CACTIN: variants seen among roughly 807,000 people sequenced by gnomAD.
CACTIN encodes the protein cactin, spliceosome C complex subunit.
In CACTIN, 20 loss-of-function variants were observed where a neutral mutation model predicts 84.9. That is an observed-to-expected ratio of 0.24 (90% confidence interval 0.17 to 0.34). CACTIN has a LOEUF of 0.34. Ranked by LOEUF, CACTIN falls within the 10% of genes least tolerant of loss-of-function variation. The pLI, the probability that CACTIN is intolerant of heterozygous loss-of-function variation, is 1.00. For synonymous variants in CACTIN, 549 were observed against 467.9 expected, an observed-to-expected ratio of 1.17 and a Z score of -2.24; for missense variants, 897 against 1,117.2, an observed-to-expected ratio of 0.80 and a Z score of 2.81.
At chr19:3,623,070 TACAAAAAAA>T (rs943534218) in intron 2 of CACTIN, among the ~76,000 whole-genome samples, 13 of 151,930 alleles carry the variant, frequency 8.6e-5, no homozygotes, top group Non-Finnish European at 1.9e-4. Context: ...ACTCCATCTT[TACAAAAAAA>T]TAAAAAATTA....
In CACTIN at chr19:3,626,743, G is replaced by C. The variant is rs1488044735; in HGVS notation, c.20C>G (p.Ser7Trp). ...CCGGCGACCCGCGGACCGCGAGCGC[G>C]AGCGTGTGTCCCGACCCATCGGCTG... The part of the protein sequence containing the change: MGRDTR[S>W]RSRSAGRRGR... The change falls in exon 1 of 10, where the codon TCG (serine) becomes TGG (tryptophan). Residue 7 changes from serine to tryptophan, a missense_variant. Transcript: ENST00000429344. The C allele has an allele frequency of 6.0e-6, 9 of 1,488,830 alleles. No individual in the cohort carries two copies. Among genetic ancestry groups the C allele is most frequent in the African/African-American group, 2.9e-5 (2 of 68,740 alleles). The allele number at this position is 1,488,830 out of a possible 1,614,324, so 92.2% of individuals were successfully genotyped here. A position where few individuals can be genotyped will look rare whatever the true frequency, so the allele number is the denominator to read the frequency against.
At chr19:3,619,634 G>A (rs1243257713) in intron 4 of CACTIN, among the ~76,000 whole-genome samples, 1 of 152,158 alleles carries the variant, frequency 6.6e-6, no homozygotes, top group South Asian at 2.1e-4. Flanking sequence ...CCTCCCCCAG[G>A]CAGACCACTC....
At chr19:3,612,669 G>C in intron 9 of CACTIN, 1 of 713,654 alleles carries the variant, frequency 1.4e-6, no homozygotes, top group South Asian at 1.5e-5. Context: ...TCCCCGCCGA[G>C]CGACAGGAGA....
chr19:3,619,756 C>G (rs1458288876), intron 4 of CACTIN, among the ~76,000 whole-genome samples: 5 of 152,132 alleles, frequency 3.3e-5, no homozygotes, highest in Admixed American at 6.5e-5. Flanking sequence ...CTGGGAGGAG[C>G]CTGATGTCAC....
At chr19:3,619,829 G>A (rs1374388451) in intron 4 of CACTIN, among the ~76,000 whole-genome samples, 2 of 152,140 alleles carry the variant, frequency 1.3e-5, no homozygotes, top group Non-Finnish European at 2.9e-5. Flanking sequence ...TAAACCAGGC[G>A]GATGGGGGTG....
At chr19:3,618,811 G>A (rs1182283210) in intron 6 of CACTIN, 64 bp downstream of exon 6, 2 of 1,302,048 alleles carry the variant, frequency 1.5e-6, no homozygotes, top group Admixed American at 4.2e-5. Flanking sequence ...CAAGTCTGAG[G>A]CTTCTGGGTG....
intron 9 of CACTIN, 57 bp downstream of exon 9, chr19:3,613,001 C>G (rs2033003960): frequency 6.7e-7 from 1 of 1,487,858 alleles, no homozygotes; most frequent in Non-Finnish European, 9.0e-7. Flanking sequence ...GCTGGAGAAG[C>G]CCCGCCCCCA....
chr19:3,613,705 G>A (rs1568291673), intron 7 of CACTIN, 119 bp from the exon 8 acceptor site: 8 of 1,396,800 alleles, frequency 5.7e-6, no homozygotes, highest in Non-Finnish European at 7.7e-6. Flanking sequence ...GAGCAGCCAC[G>A]GCTCTGGCTG....
intron 2 of CACTIN, chr19:3,621,151 T>G: frequency 4.9e-6 from 2 of 410,902 alleles, no homozygotes; most frequent in Non-Finnish European, 9.2e-6. Context: ...GCCTGCTGAC[T>G]CGCTTTACCC....
In CACTIN at chr19:3,623,947, C is replaced by T. The variant is rs144125650; in HGVS notation, c.383G>A (p.Arg128Gln). 2.2e-4 allele frequency: 350 copies of T among 1,603,050 alleles called. 3 individuals carry two copies. In the East Asian group the frequency reaches 6.1e-3, roughly 28 times the overall value. The change falls in exon 2 of 10, where the codon CGG becomes CAG. Residue 128 changes from arginine (R) to glutamine (Q), a missense_variant. By Grantham distance (43) the Arg-to-Gln change is conservative. Coordinates refer to ENST00000429344, the MANE Select transcript of CACTIN (RefSeq NM_001080543.2). ...SASPGRSQSP[R>Q]AAAAALSQQQ... ...CTGGCTCAGGGCAGCCGCGGCCGCC[C>T]GGGGGCTCTGGGATCGCCCTGGAGA...
rs753200848 is a variant in CACTIN, at chr19:3,610,959, C to T, written c.*964G>A. ...TGGGCTGTGGCACCCGTGTGGCCCTCGGCCCTCCTGGCCTGAGAAAGGGGA... is the reference window on the plus strand; with the variant it reads ...TGGGCTGTGGCACCCGTGTGGCCCTTGGCCCTCCTGGCCTGAGAAAGGGGA... On this transcript the variant is annotated 3_prime_UTR_variant, in exon 10 of 10. Coordinates refer to ENST00000429344, the MANE Select transcript of CACTIN (RefSeq NM_001080543.2). 6 of 456,612 alleles carry T rather than the reference C, an allele frequency of 1.3e-5. No homozygotes were observed. The highest frequency in any genetic ancestry group is 2.0e-5 in the African/African-American group (1 of 50,102). The allele number at this position is 456,612 out of a possible 1,614,324, so 28.3% of individuals were successfully genotyped here.
In CACTIN at chr19:3,612,256, G is replaced by A. The variant is rs200071115; in HGVS notation, c.1944C>T (p.Arg648=). The A allele has an allele frequency of 4.0e-5, 64 of 1,613,258 alleles. No individual in the cohort carries two copies. In the East Asian group the frequency reaches 1.2e-3, roughly 30 times the overall value. ...YRPRKPRFFN[R]VHTGFEWNKY... Reference sequence around the variant, plus strand: ...TGTTCCACTCGAAGCCCGTGTGCACGCGGTTGAAGAAGCGCGGCTTGCGTG... The same window carrying A: ...TGTTCCACTCGAAGCCCGTGTGCACACGGTTGAAGAAGCGCGGCTTGCGTG... Residue 648 remains arginine, a synonymous_variant, in exon 10 of 10, where the codon CGC becomes CGT. Coordinates refer to ENST00000429344, the MANE Select transcript of CACTIN (RefSeq NM_001080543.2).
chr19:3,610,804 G>A lies in CACTIN; in HGVS notation c.*1119C>T. ...GGGTGTCTGGGAGGGGCTGTGGGTG[G>A]TCTGGGGCTGGTGACTGGTGAGGTT... On this transcript the variant is annotated 3_prime_UTR_variant, in exon 10 of 10. Transcript: ENST00000429344. 1 of 456,846 alleles carries A rather than the reference G, an allele frequency of 2.2e-6. No homozygotes were observed. The highest frequency in any genetic ancestry group is 4.4e-6 in the Non-Finnish European group (1 of 226,990). The allele number at this position is 456,846 out of a possible 1,614,324, so 28.3% of individuals were successfully genotyped here.
intron 6 of CACTIN, 144 bp from the exon 7 acceptor site, chr19:3,614,733 C>T: frequency 1.5e-6 from 1 of 685,908 alleles, no homozygotes; most frequent in Non-Finnish European, 2.6e-6. Flanking sequence ...CGCCACCTCC[C>T]TGGTCTCAGG....
In CACTIN at chr19:3,623,227, C is replaced by T. The variant is rs138452713; in HGVS notation, c.642+461G>A. Among the ~76,000 whole-genome samples the T allele has an allele frequency of 8.5e-3, 1,285 of 151,784 alleles. 13 individuals are homozygous for T. The highest frequency in any genetic ancestry group is 0.03 in the African/African-American group (1,231 of 41,340). ...TCCAGCCTGGGTGACAGAGCGAGAC[C>T]CTGAGTCAAAAAAGAAAGCTGGCCG... On this transcript the variant is annotated intron_variant, in intron 2 of 9. Transcript: ENST00000429344.
chr19:3,620,216 C>T lies in CACTIN; in HGVS notation c.795G>A (p.Leu265=). 6.2e-7 allele frequency: 1 copy of T among 1,606,292 alleles called. No homozygotes were observed. The highest frequency in any genetic ancestry group is 8.5e-7 in the Non-Finnish European group (1 of 1,178,294). ...EREKAMREQE[L]EMLQREKEAE... ...CCTCCTTCTCGCGCTGCAGCATCTCCAGCTCCTGCTCGCGCATGGCCTTCT... is the reference window on the plus strand; with the variant it reads ...CCTCCTTCTCGCGCTGCAGCATCTCTAGCTCCTGCTCGCGCATGGCCTTCT... The change falls in exon 4 of 10, where the codon CTG becomes CTA. Residue 265 remains leucine (L), a synonymous_variant. Transcript: ENST00000429344.
intron 7 of CACTIN, 95 bp downstream of exon 7, chr19:3,614,299 CAGG>C (rs2033054550): frequency 8.2e-7 from 1 of 1,225,568 alleles, no homozygotes; most frequent in Admixed American, 2.0e-5. Flanking sequence ...CACATGGTCC[CAGG>C]AGGAGGCGAG....
rs369584589 is a variant in CACTIN at position 3,619,262 on chromosome 19, G to A, written c.885-20C>T. The stretch of plus-strand genomic sequence containing the variant: ...TTGGAACTGTGGGGAGCAGGGGAAG[G>A]TGGCATCAGAGCCTGGGCTGTGCCC... On this transcript the variant is annotated intron_variant, in intron 4 of 9. Coordinates refer to ENST00000429344, the MANE Select transcript of CACTIN (RefSeq NM_001080543.2). 1 of 1,609,816 alleles carries A rather than the reference G, an allele frequency of 6.2e-7. No individual in the cohort carries two copies. Among genetic ancestry groups the A allele is most frequent in the Admixed American group, 1.7e-5 (1 of 59,834 alleles).
At position 3,613,145 on chromosome 19, in the gene CACTIN, G is replaced by C; in HGVS notation, c.1699C>G (p.His567Asp). Residue 567 changes from histidine to aspartate, a missense_variant, in exon 9 of 10, where the codon CAC becomes GAC. His to Asp is a moderately conservative substitution (Grantham distance 81, BLOSUM62 -1). This residue lies in a region of CACTIN where 243 missense variants were observed against 239.9 expected (regional missense o/e 1.01). Transcript: ENST00000429344. The stretch of plus-strand genomic sequence containing the variant: ...ACGTGCGCGTCCAGTGGCAGCTCGT[G>C]CGCCGTGAGCAGCCGCGGGCTGTAC... ...GRYSPRLLTA[H>D]ELPLDAHVLE... 6.2e-7 allele frequency: 1 copy of C among 1,608,562 alleles called. No individual in the cohort carries two copies. The highest frequency in any genetic ancestry group is 8.5e-7 in the Non-Finnish European group (1 of 1,179,074).
Sources: gnomAD v4.1 joint callset for allele counts (sites outside exome capture counted in the v4.1 genomes callset) on GRCh38, gnomAD v4.1.1 for gene constraint, gnomAD v4.1.1 regional missense constraint, MANE v1.5 for transcripts, NCBI Gene and HGNC (gene_info 2026-07-23, HGNC 2026-07-21) for gene names.